Variants in ZNF385D observed in about 807,000 individuals in gnomAD.
ZNF385D encodes the protein zinc finger protein 385D, also known as zinc finger protein 659.
In ZNF385D, 15 loss-of-function variants were observed where a neutral mutation model predicts 35.8. The observed-to-expected ratio is 0.42, with a 90% CI of 0.28 to 0.64. The LOEUF (loss-of-function observed/expected upper bound fraction) is 0.64. Ranked by LOEUF, ZNF385D falls within the 30% of genes least tolerant of loss-of-function variation. The probability of loss-of-function intolerance (pLI) is 0.23; values close to 1 mark genes in which losing one functional copy is unlikely to be tolerated. For missense variants in ZNF385D, 474 were observed against 494.6 expected (o/e 0.96, Z 0.39); for synonymous variants, 212 against 186.8 (o/e 1.13, Z -1.10).
chr3:22,088,617 A>G (rs551532746), intron 3 of ZNF385D, among the ~76,000 whole-genome samples: 2 of 152,332 alleles, frequency 1.3e-5, no homozygotes, highest in African/African-American at 4.8e-5. Flanking sequence ...GAACAGAGCA[A>G]TAACTTGTAG....
rs565787674 is a variant in ZNF385D, at chr3:21,465,167, G to C, written c.440-27964C>G. On this transcript the variant is annotated intron_variant, in intron 4 of 7. Transcript: ENST00000281523. The surrounding 1 kb of genome is among the most constrained non-coding windows in gnomAD (Gnocchi z 4.2). ...ATTTCTTTGCACGTAAGTTTTCACTGTGCCCTTGAACACAGTGAAAATTTA... is the reference window on the plus strand; with the variant it reads ...ATTTCTTTGCACGTAAGTTTTCACTCTGCCCTTGAACACAGTGAAAATTTA... Among the ~76,000 whole-genome samples the C allele has an allele frequency of 6.6e-6, 1 of 152,074 alleles. No individual in the cohort carries two copies. The highest frequency in any genetic ancestry group is 2.4e-5 in the African/African-American group (1 of 41,484).
At chr3:21,642,952 G>A (rs144012558) in intron 2 of ZNF385D, among the ~76,000 whole-genome samples, 3 of 152,180 alleles carry the variant, frequency 2.0e-5, no homozygotes, top group Non-Finnish European at 4.4e-5. Flanking sequence ...AGGGAGAAAT[G>A]ATGAATGCAG....
intron 3 of ZNF385D, among the ~76,000 whole-genome samples, chr3:22,140,391 G>C (rs745468324): frequency 6.6e-6 from 1 of 152,124 alleles, no homozygotes; most frequent in Non-Finnish European, 1.5e-5. Flanking sequence ...ATAGCAATGG[G>C]GAACAGGCCG....
chr3:21,673,227 A>T (rs1334684414), intron 1 of ZNF385D, among the ~76,000 whole-genome samples: 1 of 152,130 alleles, frequency 6.6e-6, no homozygotes, highest in African/African-American at 2.4e-5. Flanking sequence ...GACTATTTTA[A>T]ATTTGAATGA....
intron 1 of ZNF385D, among the ~76,000 whole-genome samples, chr3:21,749,060 C>T (rs1053852964): frequency 6.6e-6 from 1 of 152,176 alleles, no homozygotes; most frequent in Non-Finnish European, 1.5e-5. Context: ...AAAAACATTT[C>T]TTATACCAAA....
intron 3 of ZNF385D, among the ~76,000 whole-genome samples, chr3:21,518,886 C>T (rs1707743158): frequency 6.6e-6 from 1 of 151,908 alleles, no homozygotes; most frequent in Non-Finnish European, 1.5e-5. Flanking sequence ...AATTACATGC[C>T]CCATATAGAA....
intron 4 of ZNF385D, among the ~76,000 whole-genome samples, chr3:21,470,144 T>C (rs1301194305): frequency 3.9e-5 from 6 of 152,194 alleles, no homozygotes; most frequent in African/African-American, 1.4e-4. Context: ...GAGAACCCAT[T>C]ATGTACCTTT....
chr3:22,042,187 G>T (rs371840095), intron 3 of ZNF385D, among the ~76,000 whole-genome samples: 6 of 151,898 alleles, frequency 4.0e-5, no homozygotes, highest in African/African-American at 1.5e-4. Context: ...CTTTTGTCAC[G>T]GCTCACTAGT....
intron 2 of ZNF385D, among the ~76,000 whole-genome samples, chr3:22,204,022 C>A (rs1275944978): frequency 6.6e-6 from 1 of 151,974 alleles, no homozygotes; most frequent in African/African-American, 2.4e-5. Context: ...TTACAGTGCA[C>A]CTTGGGTGAG....
chr3:22,215,211 C>A (rs765344871), intron 2 of ZNF385D, among the ~76,000 whole-genome samples: 1 of 151,904 alleles, frequency 6.6e-6, no homozygotes, highest in Non-Finnish European at 1.5e-5. Context: ...GTACAGCATG[C>A]GTGTTTGAAC....
At chr3:21,669,457 T>C (rs1476316445) in intron 1 of ZNF385D, among the ~76,000 whole-genome samples, 1 of 152,194 alleles carries the variant, frequency 6.6e-6, no homozygotes, top group African/African-American at 2.4e-5. Flanking sequence ...AGTACTAACT[T>C]GTGAATATGA....
rs577300215 is a variant in ZNF385D at position 21,458,609 on chromosome 3, C to A, written c.440-21406G>T. Among the ~76,000 whole-genome samples the A allele has an allele frequency of 1.6e-4, 25 of 152,060 alleles. No individual in the cohort carries two copies. In the East Asian group the frequency reaches 4.3e-3, roughly 26 times the overall value. ...TATATCCTTATAATGGAATATTATT[C>A]TGGACTAAAAAGGGACAAAGCCATG... On this transcript the variant is annotated intron_variant, in intron 4 of 7. Transcript: ENST00000281523.
chr3:21,855,782 C>T lies in ZNF385D; in HGVS notation c.326-190754G>A, dbSNP rs893698896. On this transcript the variant is annotated intron_variant, in intron 3 of 5. Coordinates refer to the ZNF385D transcript ENST00000494108. ...AGTAAACTCCTCTTCACTGTAGATA[C>T]AGTTTAAGGGTTATGAGCTGATCTA... is the stretch of plus-strand genomic sequence containing the variant. Among the ~76,000 whole-genome samples, 17 of 151,930 alleles carry T rather than the reference C, an allele frequency of 1.1e-4. 1 individual carries two copies. The highest frequency in any genetic ancestry group is 3.4e-4 in the African/African-American group (14 of 41,410).
chr3:21,764,203 A>G (rs767182549), intron 3 of ZNF385D, among the ~76,000 whole-genome samples: 1 of 152,188 alleles, frequency 6.6e-6, no homozygotes, highest in Non-Finnish European at 1.5e-5. Flanking sequence ...CAGCTTATGC[A>G]AAGACCCAGA....
intron 3 of ZNF385D, among the ~76,000 whole-genome samples, chr3:22,096,447 G>A (rs1701637375): frequency 6.6e-6 from 1 of 151,856 alleles, no homozygotes; most frequent in Non-Finnish European, 1.5e-5. Flanking sequence ...AATACTAATT[G>A]GCTATAGTCA....
intron 2 of ZNF385D, among the ~76,000 whole-genome samples, chr3:22,268,642 T>A (rs566888348): frequency 6.6e-6 from 1 of 152,212 alleles, no homozygotes; most frequent in East Asian, 1.9e-4. Context: ...TCCATAGACT[T>A]CCAGCACAGA....
chr3:22,030,985 G>A (rs1697962418), intron 3 of ZNF385D, among the ~76,000 whole-genome samples: 1 of 152,190 alleles, frequency 6.6e-6, no homozygotes, highest in South Asian at 2.1e-4. Context: ...AACCCGGCTG[G>A]GCAGTCATTA....
At chr3:22,067,179 T>A (rs940149420) in intron 3 of ZNF385D, among the ~76,000 whole-genome samples, 6 of 152,232 alleles carry the variant, frequency 3.9e-5, no homozygotes, top group African/African-American at 1.4e-4. Flanking sequence ...GTTTTATTCA[T>A]CACACTGCCT....
chr3:21,516,795 G>C (rs1046521127), intron 3 of ZNF385D, among the ~76,000 whole-genome samples: 1 of 151,744 alleles, frequency 6.6e-6, no homozygotes, highest in African/African-American at 2.4e-5. Flanking sequence ...TTTTTGTAAG[G>C]GTCTGTCCCA....
Sources: allele counts gnomAD v4.1 joint callset (sites outside exome capture counted in the v4.1 genomes callset), GRCh38; gene constraint gnomAD v4.1.1; non-coding constraint Gnocchi (gnomAD v3.1); transcripts MANE v1.5; gene names NCBI Gene and HGNC (gene_info 2026-07-23, HGNC 2026-07-21).